The following ZSCAN5B variants were observed in gnomAD, a reference collection of about 807,000 sequenced individuals.
The protein encoded by ZSCAN5B is zinc finger and SCAN domain-containing protein 5B.
Under a neutral mutation model 25.2 loss-of-function variants are expected in ZSCAN5B, and 26 were observed. That is an observed-to-expected ratio of 1.03 (90% CI 0.76 to 1.43). The LOEUF (loss-of-function observed/expected upper bound fraction) is 1.43, where lower values mean the gene tolerates loss of function less well. ZSCAN5B is among the 40% of genes most tolerant of loss of function. The pLI is 0.00. For missense variants in ZSCAN5B, 745 were observed against 622.1 expected (o/e 1.20, Z -2.10); for synonymous variants, 244 against 240.9 (o/e 1.01, Z -0.12).
exon 5 of ZSCAN5B, chr19:56,189,915 T>C (rs746943693): frequency 4.5e-5 from 72 of 1,613,916 alleles, no homozygotes; most frequent in Non-Finnish European, 5.8e-5. Flanking sequence ...GGGACATTTG[T>C]AGGGCTTCTC....
In ZSCAN5B at chr19:56,197,854, C is replaced by A. The variant is rs374277450; in HGVS notation, c.-248G>T. On this transcript the variant is annotated 5_prime_UTR_variant, in exon 1 of 5. Coordinates refer to ENST00000586855, the Ensembl canonical transcript of ZSCAN5B. ...TCCAGGCCGCGTTTCCGGTTCCCTG[C>A]GCCGCGCCGTGATTGGTTTAGGGCC... 12 of 985,120 alleles carry A rather than the reference C, an allele frequency of 1.2e-5. No homozygotes were observed. In the East Asian group the frequency reaches 4.5e-4, roughly 37 times the overall value. 61.0% of individuals were successfully genotyped at this position (985,120 alleles called of 1,614,324 possible). A position where few individuals can be genotyped will look rare whatever the true frequency, so the allele number is the denominator to read the frequency against.
intron 3 of ZSCAN5B, 144 bp downstream of exon 3, chr19:56,191,706 T>C: frequency 6.6e-6 from 4 of 601,772 alleles, no homozygotes; most frequent in Non-Finnish European, 9.9e-6. Context: ...GGCTCAGGAA[T>C]GAATGTTTGG....
intron 1 of ZSCAN5B, among the ~76,000 whole-genome samples, chr19:56,196,374 A>C (rs763992896): frequency 6.6e-6 from 1 of 152,166 alleles, no homozygotes; most frequent in Non-Finnish European, 1.5e-5. Context: ...TTTTAAAAAA[A>C]TAAAAGAAAT....
At chr19:56,190,207 G>A in exon 5 of ZSCAN5B, 1 of 1,614,072 alleles carries the variant, frequency 6.2e-7, no homozygotes, top group South Asian at 1.1e-5. Context: ...TGGATGCTTA[G>A]CTGGGAAAAA....
At chr19:56,196,039 T>C (rs776956358) in intron 1 of ZSCAN5B, among the ~76,000 whole-genome samples, 51 of 152,030 alleles carry the variant, frequency 3.4e-4, no homozygotes, top group South Asian at 6.2e-4. Context: ...AAATTATTTT[T>C]ATTTTTATTT....
chr19:56,189,995 T>C (rs540957373), exon 5 of ZSCAN5B: 2 of 1,613,966 alleles, frequency 1.2e-6, no homozygotes, highest in Admixed American at 3.3e-5. Context: ...AGTATTTACA[T>C]TTAAACGGCC....
exon 3 of ZSCAN5B, chr19:56,191,920 T>G (rs73617565): frequency 6.2e-7 from 1 of 1,614,016 alleles, no homozygotes; most frequent in Non-Finnish European, 8.5e-7. Context: ...TGTCCCCGGA[T>G]GCATCTGGTT....
intron 1 of ZSCAN5B, 24 bp from the exon 2 acceptor site, chr19:56,193,203 G>C: frequency 1.0e-6 from 1 of 954,232 alleles, no homozygotes; most frequent in Non-Finnish European, 1.5e-6. Context: ...GCATGAGCCC[G>C]ATTATTTTAA....
chr19:56,197,812 T>C (rs1264025860), exon 1 of ZSCAN5B: 12 of 985,308 alleles, frequency 1.2e-5, no homozygotes, highest in Non-Finnish European at 1.4e-5. Flanking sequence ...CTGCGTCTAT[T>C]TATGGAGAAG....
chr19:56,190,005 C>T lies in ZSCAN5B; in HGVS notation c.1310G>A (p.Arg437Lys), dbSNP rs768246770. The T allele has an allele frequency of 1.4e-5, 23 of 1,613,840 alleles. No homozygotes were observed. Among genetic ancestry groups the T allele is most frequent in the Non-Finnish European group, 1.8e-5 (21 of 1,179,912 alleles). Residue 437 changes from arginine to lysine, a missense_variant, in exon 5 of 5, where the codon AGG (arginine) becomes AAG (lysine). By Grantham distance (26) the Arg-to-Lys change is conservative (BLOSUM62 2). Transcript: ENST00000586855. ...GCTGCAGTATTTACATTTAAACGGCCTCTCCCCGGTGTGGATCCTCTTGTG... is the reference window on the plus strand; with the variant it reads ...GCTGCAGTATTTACATTTAAACGGCTTCTCCCCGGTGTGGATCCTCTTGTG...
exon 5 of ZSCAN5B, chr19:56,189,739 C>G: frequency 6.8e-7 from 1 of 1,462,274 alleles, no homozygotes; most frequent in Non-Finnish European, 9.2e-7. Context: ...CTACCAAGTG[C>G]TTTATGTGTA....
intron 2 of ZSCAN5B, 122 bp from the exon 3 acceptor site, chr19:56,192,175 GCAGAATCAGCT>G: frequency 1.1e-6 from 1 of 941,616 alleles, no homozygotes; most frequent in South Asian, 1.6e-5. Context: ...CCTTCCTGAT[GCAGAATCAGCT>G]CTGTGGACAC....
At chr19:56,191,183 G>A (rs1053297605) in intron 3 of ZSCAN5B, among the ~76,000 whole-genome samples, 196 bp from the exon 4 acceptor site, 9 of 152,202 alleles carry the variant, frequency 5.9e-5, no homozygotes, top group Middle Eastern at 3.4e-3. Flanking sequence ...TTTGCCTGGC[G>A]GTTTTCACTG....
At chr19:56,191,097 T>C in intron 3 of ZSCAN5B, 110 bp from the exon 4 acceptor site, 2 of 1,451,606 alleles carry the variant, frequency 1.4e-6, no homozygotes, top group Admixed American at 2.1e-5. Flanking sequence ...GACCACCCCA[T>C]CACCCCAAGT....
At chr19:56,192,429 G>A (rs2032749531) in intron 2 of ZSCAN5B, among the ~76,000 whole-genome samples, 1 of 152,022 alleles carries the variant, frequency 6.6e-6, no homozygotes, top group South Asian at 2.1e-4. Flanking sequence ...GGGACTTCTG[G>A]GCCCCCCTTC....
chr19:56,189,800 G>A (rs1447716320), exon 5 of ZSCAN5B: 3 of 1,583,636 alleles, frequency 1.9e-6, no homozygotes, highest in East Asian at 2.2e-5. Flanking sequence ...GTCTCTTGGG[G>A]TGGAGGATGT....
At chr19:56,197,865 G>T (rs2032832001) in exon 1 of ZSCAN5B, 2 of 985,180 alleles carry the variant, frequency 2.0e-6, no homozygotes, top group Non-Finnish European at 2.4e-6. Context: ...GCCGCGCCGT[G>T]ATTGGTTTAG....
At chr19:56,189,723 C>T in exon 5 of ZSCAN5B, 2 of 1,362,700 alleles carry the variant, frequency 1.5e-6, no homozygotes, top group Non-Finnish European at 9.9e-7. Flanking sequence ...AACATCCGGG[C>T]AATTCCTACC....
chr19:56,194,106 A>T (rs1392869363), intron 1 of ZSCAN5B, among the ~76,000 whole-genome samples: 1 of 152,048 alleles, frequency 6.6e-6, no homozygotes, highest in African/African-American at 2.4e-5. Context: ...TTCCAGAATC[A>T]CTGCATCACC....
Sources: allele counts gnomAD v4.1 joint callset (sites outside exome capture counted in the v4.1 genomes callset), GRCh38; gene constraint gnomAD v4.1.1; transcripts MANE v1.5; gene names NCBI Gene and HGNC (gene_info 2026-07-23, HGNC 2026-07-21).